CDH9: variants seen among roughly 807,000 people sequenced by gnomAD.
CDH9 encodes the protein cadherin-9.
In CDH9, 28 loss-of-function variants were observed where a neutral mutation model predicts 70.9. The observed-to-expected ratio is 0.40, with a 90% CI of 0.29 to 0.54. CDH9 has a LOEUF of 0.54. Among genes scored for constraint, CDH9 ranks in the 20% least tolerant of loss-of-function variants. CDH9 has a pLI of 0.59. For missense variants in CDH9, 874 were observed against 984.4 expected (o/e 0.89, Z 1.50); for synonymous variants, 409 against 343.1 (o/e 1.19, Z -2.12).
At chr5:26,962,307 A>G (rs1742050716) in intron 2 of CDH9, among the ~76,000 whole-genome samples, 1 of 152,182 alleles carries the variant, frequency 6.6e-6, no homozygotes, top group South Asian at 2.1e-4. Context: ...TCTTTATAGT[A>G]GAATGATTTA....
chr5:27,012,319 T>C (rs1742972899), intron 1 of CDH9, among the ~76,000 whole-genome samples: 1 of 151,976 alleles, frequency 6.6e-6, no homozygotes, highest in South Asian at 2.1e-4. Flanking sequence ...TACCATTGGC[T>C]GAATCTGTAG....
intron 2 of CDH9, among the ~76,000 whole-genome samples, chr5:26,934,317 T>G (rs1001304646): frequency 6.6e-6 from 1 of 151,922 alleles, no homozygotes; most frequent in Admixed American, 6.6e-5. Flanking sequence ...ATTACAAAAA[T>G]TAATCAGGCA....
intron 2 of CDH9, among the ~76,000 whole-genome samples, chr5:26,958,777 T>C (rs1741987717): frequency 6.6e-6 from 1 of 152,122 alleles, no homozygotes; most frequent in Admixed American, 6.6e-5. Flanking sequence ...AAATGCTTTA[T>C]CTAATAAAAA....
intron 7 of CDH9, among the ~76,000 whole-genome samples, chr5:26,892,209 G>A (rs1167307361): frequency 2.0e-5 from 3 of 152,180 alleles, no homozygotes; most frequent in African/African-American, 4.8e-5. Flanking sequence ...ACCATGTTAT[G>A]CCGTACTAGT....
At chr5:26,929,489 A>C (rs1741402945) in intron 2 of CDH9, among the ~76,000 whole-genome samples, 1 of 152,016 alleles carries the variant, frequency 6.6e-6, no homozygotes, top group South Asian at 2.1e-4. Flanking sequence ...CCACAGATAC[A>C]TACATAGCCA....
intron 1 of CDH9, among the ~76,000 whole-genome samples, chr5:26,989,039 C>T (rs756249157): frequency 4.6e-5 from 7 of 151,848 alleles, no homozygotes; most frequent in Non-Finnish European, 5.9e-5. Flanking sequence ...GAGGAGTACA[C>T]GCTCTAAATA....
intron 2 of CDH9, among the ~76,000 whole-genome samples, chr5:26,940,741 A>G (rs1007633172): frequency 6.6e-5 from 10 of 152,226 alleles, no homozygotes; most frequent in African/African-American, 2.4e-4. Flanking sequence ...TAAGACAAAC[A>G]ACATAGAACA....
intron 2 of CDH9, among the ~76,000 whole-genome samples, chr5:26,939,667 C>T (rs1002183397): frequency 2.0e-5 from 3 of 151,890 alleles, no homozygotes; most frequent in Non-Finnish European, 2.9e-5. Flanking sequence ...CACAATTATC[C>T]TAATGCAGTT....
intron 1 of CDH9, among the ~76,000 whole-genome samples, chr5:27,010,797 G>C (rs1457372762): frequency 1.3e-5 from 2 of 152,132 alleles, no homozygotes; most frequent in African/African-American, 4.8e-5. Flanking sequence ...ATGTGCACCA[G>C]TTGCAGTGGC....
At chr5:26,969,481 T>A (rs775065558) in intron 2 of CDH9, among the ~76,000 whole-genome samples, 5 of 152,134 alleles carry the variant, frequency 3.3e-5, no homozygotes, top group Non-Finnish European at 7.4e-5. Context: ...ACGATGATGA[T>A]CATTTCAAAT....
intron 7 of CDH9, among the ~76,000 whole-genome samples, chr5:26,892,358 G>A (rs1022330682): frequency 1.3e-5 from 2 of 152,080 alleles, no homozygotes; most frequent in Non-Finnish European, 2.9e-5. Context: ...CAGTAGGTCT[G>A]GGGTGGGAGC....
chr5:26,909,340 A>G (rs1741006982), intron 3 of CDH9, among the ~76,000 whole-genome samples: 1 of 152,122 alleles, frequency 6.6e-6, no homozygotes, highest in Non-Finnish European at 1.5e-5. Flanking sequence ...GAGAATACAC[A>G]TGGATATTTA....
At chr5:26,988,065 G>T (rs764744937) in intron 2 of CDH9, 41 bp downstream of exon 2, 2 of 1,428,000 alleles carry the variant, frequency 1.4e-6, no homozygotes, top group Middle Eastern at 2.3e-4. Flanking sequence ...ATAAATAGCT[G>T]TCACTTTCAG....
At chr5:26,881,750 C>T (rs1159781954) in intron 11 of CDH9, 127 bp from the exon 12 acceptor site, 6 of 806,590 alleles carry the variant, frequency 7.4e-6, no homozygotes, top group East Asian at 2.7e-5. Flanking sequence ...AATTAACTAC[C>T]CTGTACAAAT....
At chr5:26,911,449 T>C (rs1245292369) in intron 3 of CDH9, among the ~76,000 whole-genome samples, 1 of 152,118 alleles carries the variant, frequency 6.6e-6, no homozygotes, top group Non-Finnish European at 1.5e-5. Context: ...TTATTTTTGT[T>C]GTCTGTAAAA....
intron 2 of CDH9, among the ~76,000 whole-genome samples, chr5:26,976,962 A>T (rs944902128): frequency 3.3e-5 from 5 of 152,108 alleles, no homozygotes; most frequent in South Asian, 2.1e-4. Context: ...TTATTTGTTT[A>T]TACCACTAAA....
intron 3 of CDH9, among the ~76,000 whole-genome samples, chr5:26,913,384 A>T (rs1384284427): frequency 6.6e-6 from 1 of 152,164 alleles, no homozygotes. Context: ...AGTAATGAAG[A>T]ATAACAATTG....
At chr5:26,884,776 A>G (rs1740531725) in intron 11 of CDH9, among the ~76,000 whole-genome samples, 2 of 152,188 alleles carry the variant, frequency 1.3e-5, no homozygotes, top group African/African-American at 4.8e-5. Flanking sequence ...TGCCCTAAGC[A>G]TAAGCATTTG....
chr5:26,988,448 C>G (rs1742525370), intron 1 of CDH9, 66 bp from the exon 2 acceptor site: 3 of 1,329,162 alleles, frequency 2.3e-6, no homozygotes, highest in Non-Finnish European at 1.0e-6. Flanking sequence ...AACGTGTAAA[C>G]TGAAATACTT....
Sources: allele counts gnomAD v4.1 joint callset (sites outside exome capture counted in the v4.1 genomes callset), GRCh38; gene constraint gnomAD v4.1.1; transcripts MANE v1.5; gene names NCBI Gene and HGNC (gene_info 2026-07-23, HGNC 2026-07-21).